Variants in FARP2 observed in about 807,000 individuals in gnomAD.
The protein encoded by FARP2 is FERM, ARHGEF and pleckstrin domain-containing protein 2.
A neutral mutation model predicts 130.5 loss-of-function variants in FARP2; 111 were observed. The observed-to-expected ratio is 0.85, with a 90% CI of 0.73 to 1.00. The LOEUF (loss-of-function observed/expected upper bound fraction) is 1.00, where lower values mean the gene tolerates loss of function less well. Among genes scored for constraint, FARP2 ranks in the 50% least tolerant of loss-of-function variants. FARP2 has a pLI of 0.00. For synonymous variants in FARP2, 504 were observed against 516.9 expected (o/e 0.98, Z 0.34); for missense variants, 1,385 against 1,346.3 (o/e 1.03, Z -0.45).
chr2:241,459,666 T>C lies in FARP2; in HGVS notation c.1587+2744T>C, dbSNP rs2063959525. ...AGCTCACAGGAATTGCATGCTCCTC[T>C]GGGCCTATCCCTGGCCGCCGTCTCA... On this transcript the variant is annotated intron_variant, in intron 14 of 26. Coordinates refer to ENST00000264042, the MANE Select transcript of FARP2 (RefSeq NM_014808.4). This position sits in a 1 kb window ranked among gnomAD's most constrained non-coding sequence, Gnocchi z 5.3. 6.6e-6 allele frequency among the ~76,000 whole-genome samples: 1 copy of C among 152,200 alleles called. No individual in the cohort carries two copies. Among genetic ancestry groups the C allele is most frequent in the East Asian group, 1.9e-4 (1 of 5,186 alleles).
rs1473801378 is a variant in FARP2, at chr2:241,357,386, A to G, written c.-25+998A>G. 3.9e-5 allele frequency among the ~76,000 whole-genome samples: 6 copies of G among 152,312 alleles called. No individual in the cohort carries two copies. In the East Asian group the frequency reaches 1.2e-3, roughly 29 times the overall value. ...CAGTACCAGAGAGATGGGAGAGGACATTTGAGGTAGGGAAGCATGGAGTAA... is the reference window on the plus strand; with the variant it reads ...CAGTACCAGAGAGATGGGAGAGGACGTTTGAGGTAGGGAAGCATGGAGTAA... On this transcript the variant is annotated intron_variant, in intron 1 of 26. Transcript: ENST00000264042.
At chr2:241,439,994 T>C (rs918182123) in intron 12 of FARP2, among the ~76,000 whole-genome samples, 1 of 152,148 alleles carries the variant, frequency 6.6e-6, no homozygotes, top group Non-Finnish European at 1.5e-5. Context: ...CCTTTACGCT[T>C]TCAATTTTCT....
In FARP2 at chr2:241,452,942, C is replaced by CA. The variant is rs537402564; in HGVS notation, c.1412-3793dup. Among the ~76,000 whole-genome samples the CA allele has an allele frequency of 2.5e-3, 311 of 123,602 alleles. 2 individuals carry two copies. Among genetic ancestry groups the CA allele is most frequent in the African/African-American group, 6.4e-3 (213 of 33,150 alleles). 81.1% of individuals were successfully genotyped at this position (123,602 alleles called of 152,430 possible). On this transcript the variant is annotated intron_variant, in intron 13 of 26. Coordinates refer to ENST00000264042, the MANE Select transcript of FARP2 (RefSeq NM_014808.4). ...GGCGACAGAGTGAGAGACTCGGTCT[C>CA]AAAAAAAAAAAAGAAAAATGTTTAA...
intron 15 of FARP2, 38 bp downstream of exon 15, chr2:241,462,650 A>T: frequency 7.7e-7 from 1 of 1,292,574 alleles, no homozygotes; most frequent in Non-Finnish European, 1.1e-6. Flanking sequence ...TTTTTTTAAA[A>T]TAAATCTCTC....
chr2:241,409,326 G>A (rs1289725770), intron 5 of FARP2, among the ~76,000 whole-genome samples: 1 of 152,164 alleles, frequency 6.6e-6, no homozygotes, highest in Non-Finnish European at 1.5e-5. Flanking sequence ...AAGGTGGGGG[G>A]ATCAGTTGAG....
intron 8 of FARP2, among the ~76,000 whole-genome samples, chr2:241,422,495 A>G (rs2062836864): frequency 6.6e-6 from 1 of 152,184 alleles, no homozygotes; most frequent in African/African-American, 2.4e-5. Context: ...AAAGTTTGAT[A>G]AACCCACAGA....
intron 17 of FARP2, among the ~76,000 whole-genome samples, chr2:241,465,292 G>C (rs1382316829): frequency 6.6e-6 from 1 of 152,110 alleles, no homozygotes; most frequent in East Asian, 1.9e-4. Flanking sequence ...CTCAGATCAG[G>C]GTTCCCCACA....
chr2:241,434,964 G>A lies in FARP2; in HGVS notation c.1034G>A (p.Gly345Glu). The change falls in exon 11 of 27, where the codon GGA becomes GAA. Residue 345 changes from glycine (G) to glutamate (E), a missense_variant and splice_region_variant. Gly to Glu is a moderately conservative substitution (Grantham distance 98). Transcript: ENST00000264042. ...FSRGSSFRYS[G>E]RTQKQLVDYF... is the part of the protein sequence containing the mutation. ...AAAATCTGAATCTTTATTCACAGTG[G>A]AAGAACTCAGAAACAACTAGTAGAT... 1.3e-6 allele frequency: 2 copies of A among 1,557,604 alleles called. No individual in the cohort carries two copies. The highest frequency in any genetic ancestry group is 1.8e-6 in the Non-Finnish European group (2 of 1,134,944).
rs149111146 is a variant in FARP2 at position 241,441,458 on chromosome 2, A to G, written c.1313A>G (p.Lys438Arg). 2,077 of 1,614,210 alleles carry G rather than the reference A, an allele frequency of 1.3e-3. 1 individual carries two copies. The highest frequency in any genetic ancestry group is 1.7e-3 in the Non-Finnish European group (2,009 of 1,180,040). ...SLTDPQVSYVKSPAAERRSGA... is the reference protein window; with the variant it reads ...SLTDPQVSYVRSPAAERRSGA... ...ACAGATCCCCAGGTTTCCTACGTCA[A>G]GAGTCCAGCTGCAGAGAGGCGCAGT... Residue 438 changes from lysine to arginine, a missense_variant, in exon 13 of 27, where the codon AAG becomes AGG. Transcript: ENST00000264042.
intron 18 of FARP2, among the ~76,000 whole-genome samples, chr2:241,468,599 T>C (rs2150487428): frequency 6.6e-6 from 1 of 152,362 alleles, no homozygotes; most frequent in East Asian, 1.9e-4. Flanking sequence ...CTGTCTATTC[T>C]GCTCCTCCAC....
At chr2:241,423,388 A>G (rs1468038550) in intron 8 of FARP2, among the ~76,000 whole-genome samples, 2 of 152,202 alleles carry the variant, frequency 1.3e-5, no homozygotes, top group Non-Finnish European at 1.5e-5. Context: ...CAGAAATAAG[A>G]TTCTTTTCAG....
chr2:241,373,241 A>G lies in FARP2; in HGVS notation c.134A>G (p.His45Arg), dbSNP rs150312458. ...LLPRMQEKHLHLRVKLLDNTM... is the reference protein window; with the variant it reads ...LLPRMQEKHLRLRVKLLDNTM... ...CCCAGAATGCAAGAGAAGCACCTGC[A>G]CCTCAGAGTAAAGCTGCTGGACAAC... is the stretch of plus-strand genomic sequence containing the variant. Residue 45 changes from histidine (H) to arginine (R), a missense_variant, in exon 2 of 27, where the codon CAC becomes CGC. His to Arg is a conservative substitution (Grantham distance 29). Coordinates refer to ENST00000264042, the MANE Select transcript of FARP2 (RefSeq NM_014808.4). The G allele has an allele frequency of 1.5e-3, 2,337 of 1,548,986 alleles. 44 individuals carry two copies. In the South Asian group the frequency reaches 0.019, roughly 13 times the overall value.
chr2:241,393,016 C>CT (rs2061945172), intron 2 of FARP2, among the ~76,000 whole-genome samples: 3 of 151,046 alleles, frequency 2.0e-5, no homozygotes, highest in African/African-American at 2.4e-5. Context: ...CCTGATGGTT[C>CT]TTTTTTTTCT....
intron 1 of FARP2, chr2:241,372,829 T>C (rs945536083): frequency 9.6e-6 from 2 of 209,138 alleles, no homozygotes; most frequent in Non-Finnish European, 1.9e-5. Context: ...AATGAGTTAA[T>C]GGGTATGCCT....
intron 2 of FARP2, among the ~76,000 whole-genome samples, chr2:241,390,621 AT>A (rs1404084749): frequency 1.3e-5 from 2 of 151,874 alleles, no homozygotes; most frequent in East Asian, 3.9e-4. Context: ...GTCTCCTCTC[AT>A]TTTATGAATA....
intron 5 of FARP2, chr2:241,410,815 G>A: frequency 2.0e-6 from 1 of 507,868 alleles, no homozygotes; most frequent in East Asian, 3.7e-5. Flanking sequence ...GACTCAGTCT[G>A]CTGAGTTGGT....
At chr2:241,397,391 A>C (rs561068416) in intron 2 of FARP2, among the ~76,000 whole-genome samples, 10 of 152,228 alleles carry the variant, frequency 6.6e-5, no homozygotes, top group Non-Finnish European at 1.5e-4. Flanking sequence ...TAGTCCCCTT[A>C]GAAAATTTGT....
chr2:241,491,227 A>C lies in FARP2; in HGVS notation c.2623+48A>C, dbSNP rs200797562. The stretch of plus-strand genomic sequence containing the variant: ...CAGGAGACCTCCACTACACCTAAGG[A>C]GGCTTTTTTTGGAAACTGTTTTCCT... On this transcript the variant is annotated intron_variant, in intron 23 of 26. Transcript: ENST00000264042. 2,240 of 1,389,370 alleles carry C rather than the reference A, an allele frequency of 1.6e-3. 5 individuals carry two copies. Among genetic ancestry groups the C allele is most frequent in the Non-Finnish European group, 1.8e-3 (1,803 of 980,082 alleles). 86.1% of individuals were successfully genotyped at this position (1,389,370 alleles called of 1,614,324 possible).
chr2:241,463,293 A>G lies in FARP2; in HGVS notation c.1678-42A>G, dbSNP rs1232557768. The G allele has an allele frequency of 1.9e-6, 3 of 1,599,610 alleles. No homozygotes were observed. The African/African-American group carries it at 4.0e-5, about 21-fold the overall frequency. On this transcript the variant is annotated intron_variant, in intron 15 of 26. Transcript: ENST00000264042. ...TCAGGGGCACAGTTTCTCAGTCCCCAACAAGAGCCACACCTCCCATCACAC... is the reference window on the plus strand; with the variant it reads ...TCAGGGGCACAGTTTCTCAGTCCCCGACAAGAGCCACACCTCCCATCACAC...
Sources: allele counts gnomAD v4.1 joint callset (sites outside exome capture counted in the v4.1 genomes callset), GRCh38; gene constraint gnomAD v4.1.1; non-coding constraint Gnocchi (gnomAD v3.1); transcripts MANE v1.5; gene names NCBI Gene and HGNC (gene_info 2026-07-23, HGNC 2026-07-21).